The following SPATA24 variants were observed in gnomAD, a reference collection of about 807,000 sequenced individuals.
The protein encoded by SPATA24 is spermatogenesis associated 24.
Under a neutral mutation model 28.9 loss-of-function variants are expected in SPATA24, and 21 were observed. The ratio of observed to expected loss-of-function variants is 0.73; its 90% CI spans 0.52 to 1.05. The LOEUF is 1.05. Ranked by LOEUF, SPATA24 falls within the 50% of genes least tolerant of loss-of-function variation. The pLI is 0.00. For synonymous variants in SPATA24, 76 were observed against 89.9 expected (o/e 0.85, Z 0.88); for missense variants, 215 against 242.9 (o/e 0.88, Z 0.76).
At chr5:139,396,430 G>A (rs749516501), downstream of SPATA24, 20 of 1,105,128 alleles carry the variant, frequency 1.8e-5, no homozygotes, top group Non-Finnish European at 2.2e-5. Flanking sequence ...TTATTGTCAT[G>A]TGATGGAAAC....
At chr5:139,396,568 T>C (rs1475446642), downstream of SPATA24, 95 of 1,349,208 alleles carry the variant, frequency 7.0e-5, no homozygotes, top group South Asian at 1.4e-3. Context: ...GGAATATTAC[T>C]GGGTAACCAG....
At chr5:139,396,350 T>C (rs115878175), downstream of SPATA24, 702 of 985,460 alleles carry the variant, frequency 7.1e-4, 6 homozygotes, top group African/African-American at 0.012. Flanking sequence ...GTCTTTTCTC[T>C]TCCTCCCATT....
At chr5:139,401,695 G>C (rs1055738362) in intron 4 of SPATA24, 60 bp downstream of exon 4, 7 of 1,502,566 alleles carry the variant, frequency 4.7e-6, no homozygotes, top group Non-Finnish European at 5.4e-6. Flanking sequence ...ACAGGCACTG[G>C]GTGGTTAGGA....
chr5:139,394,757 C>G, downstream of SPATA24: 1 of 1,532,500 alleles, frequency 6.5e-7, no homozygotes, highest in African/African-American at 1.4e-5. Context: ...TCCATCTCCC[C>G]CGACGGCAGC....
At chr5:139,403,510 G>A (rs1475077577) in intron 1 of SPATA24, among the ~76,000 whole-genome samples, 1 of 152,224 alleles carries the variant, frequency 6.6e-6, no homozygotes, top group Non-Finnish European at 1.5e-5. Flanking sequence ...GTTCTTGGAG[G>A]CCCCTAAGTT....
downstream of SPATA24, chr5:139,394,432 T>C: frequency 1.4e-6 from 2 of 1,394,162 alleles, no homozygotes; most frequent in South Asian, 1.6e-5. Context: ...TGGGGGACTC[T>C]GGGGCCGGGG....
chr5:139,403,522 G>A (rs1323075326), intron 1 of SPATA24, among the ~76,000 whole-genome samples: 1 of 152,238 alleles, frequency 6.6e-6, no homozygotes, highest in Non-Finnish European at 1.5e-5. Context: ...CCCTAAGTTA[G>A]CGCTGGCAAG....
At chr5:139,392,521 G>T, downstream of SPATA24, 4 of 1,344,412 alleles carry the variant, frequency 3.0e-6, no homozygotes, top group Non-Finnish European at 3.8e-6. The surrounding 1 kb of genome is among the most constrained non-coding windows in gnomAD (Gnocchi z 5.8). Flanking sequence ...AGGCGCCGAG[G>T]CAGCGCGGGG....
At chr5:139,392,868 G>T, downstream of SPATA24, 1 of 1,544,156 alleles carries the variant, frequency 6.5e-7, no homozygotes, top group East Asian at 2.5e-5. This position sits in a 1 kb window ranked among gnomAD's most constrained non-coding sequence, Gnocchi z 5.8. Context: ...CCAAGGCCAG[G>T]GCCCCAGGCA....
At chr5:139,396,327 C>T, downstream of SPATA24, 1 of 985,376 alleles carries the variant, frequency 1.0e-6, no homozygotes, top group Non-Finnish European at 1.2e-6. Flanking sequence ...ACCTTAAAAC[C>T]ACACACAGCA....
chr5:139,392,624 T>C, downstream of SPATA24: 1 of 1,378,024 alleles, frequency 7.3e-7, no homozygotes, highest in Non-Finnish European at 9.4e-7. The surrounding 1 kb of genome is among the most constrained non-coding windows in gnomAD (Gnocchi z 5.8). Flanking sequence ...GTAGGTGGTG[T>C]CTTCGGTTTG....
chr5:139,395,353 G>A, downstream of SPATA24: 3 of 378,698 alleles, frequency 7.9e-6, no homozygotes, highest in Non-Finnish European at 9.4e-6. Flanking sequence ...GTGAGGGAAT[G>A]GCAGGCCCAA....
At chr5:139,394,296 C>G, downstream of SPATA24, 1 of 1,519,332 alleles carries the variant, frequency 6.6e-7, no homozygotes, top group Non-Finnish European at 8.8e-7. Context: ...GGGCCGGGGC[C>G]TCGGGGCTCA....
chr5:139,396,823 G>T lies in SPATA24; in HGVS notation c.595C>A (p.His199Asn), dbSNP rs1561991400. 1 of 1,551,752 alleles carries T rather than the reference G, an allele frequency of 6.4e-7. No homozygotes were observed. Among genetic ancestry groups the T allele is most frequent in the Non-Finnish European group, 8.7e-7 (1 of 1,146,998 alleles). ...TTTTATTTTTCCCTGGGATGCTGGT[G>T]GCTGCGGGCCTGACGTGTCCCTGAG... is the stretch of plus-strand genomic sequence containing the variant. ...KASGTRQARS[H>N]QHPREK The change falls in exon 6 of 6, where the codon CAC (histidine) becomes AAC (asparagine). Residue 199 changes from histidine (H) to asparagine (N), a missense_variant. His to Asn is a moderately conservative substitution (Grantham distance 68). Coordinates refer to ENST00000450845, the MANE Select transcript of SPATA24 (RefSeq NM_194296.2).
downstream of SPATA24, chr5:139,393,247 G>A (rs1397059368): frequency 1.9e-6 from 3 of 1,549,136 alleles, no homozygotes; most frequent in South Asian, 2.4e-5. Flanking sequence ...TCCCGAGGCC[G>A]CCTCTCCAGG....
chr5:139,398,056 T>A (rs1296299934), intron 4 of SPATA24, among the ~76,000 whole-genome samples: 1 of 152,228 alleles, frequency 6.6e-6, no homozygotes, highest in East Asian at 1.9e-4. Context: ...GGGATGTCCC[T>A]GGGGGTTTAG....
At chr5:139,394,171 T>C (rs570826510), downstream of SPATA24, 7 of 1,546,160 alleles carry the variant, frequency 4.5e-6, no homozygotes, top group Middle Eastern at 1.7e-4. Flanking sequence ...GGCCGAATTA[T>C]CTCGTACGCG....
At chr5:139,394,935 G>T (rs1758670839), downstream of SPATA24, 2 of 1,520,156 alleles carry the variant, frequency 1.3e-6, no homozygotes, top group African/African-American at 2.9e-5. Context: ...GGCCTTTCGC[G>T]TCCGGCCCAA....
At chr5:139,401,369 C>G in intron 4 of SPATA24, 1 of 566,074 alleles carries the variant, frequency 1.8e-6, no homozygotes, top group Non-Finnish European at 3.1e-6. Flanking sequence ...ATGCATCCTT[C>G]CCTATTGAGT....
Sources: gnomAD v4.1 joint callset for allele counts (sites outside exome capture counted in the v4.1 genomes callset) on GRCh38, gnomAD v4.1.1 for gene constraint, Gnocchi (gnomAD v3.1) non-coding constraint, MANE v1.5 for transcripts, NCBI Gene and HGNC (gene_info 2026-07-23, HGNC 2026-07-21) for gene names.